Variants in USP15 observed in about 807,000 individuals in gnomAD.
USP15 encodes ubiquitin specific peptidase 15.
USP15 carries 18 observed loss-of-function variants against 127.1 expected under a neutral mutation model. The ratio of observed to expected loss-of-function variants is 0.14; its 90% confidence interval spans 0.10 to 0.21. The LOEUF (loss-of-function observed/expected upper bound fraction) is 0.21. Among genes scored for constraint, USP15 ranks in the 10% least tolerant of loss-of-function variants. The pLI is 1.00. For synonymous variants in USP15, 364 were observed against 393.7 expected (o/e 0.92, Z 0.89); for missense variants, 805 against 1,159.9 (o/e 0.69, Z 4.44).
At position 62,339,231 on chromosome 12, in the gene USP15, C is replaced by T. The variant is rs559521033; in HGVS notation, c.684-9990C>T. On this transcript the variant is annotated intron_variant, in intron 6 of 21. Coordinates refer to ENST00000280377, the MANE Select transcript of USP15 (RefSeq NM_001252078.2). ...TATAGGAATGCTTGTGATTTTTGCA[C>T]GTTGATTTTGTATCCTGAGATTTTG... Among the ~76,000 whole-genome samples the T allele has an allele frequency of 1.5e-3, 233 of 152,092 alleles. 2 individuals carry two copies. The highest frequency in any genetic ancestry group is 5.3e-3 in the African/African-American group (218 of 41,492).
chr12:62,399,785 G>A (rs1015042075), intron 20 of USP15, among the ~76,000 whole-genome samples: 1 of 152,128 alleles, frequency 6.6e-6, no homozygotes, highest in Non-Finnish European at 1.5e-5. Context: ...ACAACTTAGA[G>A]TTTAAACCAT....
chr12:62,370,412 T>C (rs759665249), intron 8 of USP15, among the ~76,000 whole-genome samples: 4 of 152,166 alleles, frequency 2.6e-5, no homozygotes, highest in Non-Finnish European at 4.4e-5. Flanking sequence ...CACCATAGCC[T>C]GTCAGCTGCT....
At chr12:62,354,517 T>G (rs983729613) in intron 7 of USP15, among the ~76,000 whole-genome samples, 2 of 151,968 alleles carry the variant, frequency 1.3e-5, no homozygotes, top group East Asian at 3.8e-4. Flanking sequence ...AAGAATCCAT[T>G]CTTTTTCACA....
chr12:62,369,763 A>C (rs2066600684), intron 8 of USP15, among the ~76,000 whole-genome samples: 1 of 152,222 alleles, frequency 6.6e-6, no homozygotes, highest in African/African-American at 2.4e-5. Context: ...TTTTAAAATG[A>C]AACAAATTTG....
chr12:62,374,966 A>G (rs1223519972), intron 8 of USP15, among the ~76,000 whole-genome samples: 1 of 151,996 alleles, frequency 6.6e-6, no homozygotes, highest in Admixed American at 6.6e-5. Flanking sequence ...AGAGTTTTTA[A>G]TAGAGAATTA....
At chr12:62,283,718 G>A (rs753098796) in intron 1 of USP15, among the ~76,000 whole-genome samples, 2 of 152,122 alleles carry the variant, frequency 1.3e-5, no homozygotes, top group Non-Finnish European at 1.5e-5. Context: ...CGAGGCAGGC[G>A]GATCACTTGA....
intron 1 of USP15, among the ~76,000 whole-genome samples, chr12:62,272,403 A>G (rs2063363540): frequency 6.6e-6 from 1 of 152,024 alleles, no homozygotes; most frequent in Non-Finnish European, 1.5e-5. Flanking sequence ...ATATTAGGCA[A>G]TTAAGCAGGA....
chr12:62,403,875 G>A lies in USP15; in HGVS notation c.2764-318G>A, dbSNP rs2067776434. ...TTACCTTTTCCTTAAGAGATGGTAG[G>A]AAAGAAAGCATAGAATTCTATTTTT... On this transcript the variant is annotated intron_variant, in intron 21 of 21. Transcript: ENST00000280377. Among the ~76,000 whole-genome samples, 3 of 152,086 alleles carry A rather than the reference G, an allele frequency of 2.0e-5. No individual in the cohort carries two copies. The South Asian group carries it at 6.2e-4, about 32-fold the overall frequency.
chr12:62,375,165 T>A (rs2066786885), intron 8 of USP15, among the ~76,000 whole-genome samples: 1 of 152,208 alleles, frequency 6.6e-6, no homozygotes, highest in Non-Finnish European at 1.5e-5. Context: ...GGGGAAATGA[T>A]CTTCATAAAA....
At chr12:62,401,158 C>T (rs754420277) in intron 20 of USP15, 29 bp from the exon 21 acceptor site, 67 of 1,537,384 alleles carry the variant, frequency 4.4e-5, no homozygotes, top group South Asian at 5.7e-5. Context: ...AGATCATTTT[C>T]GTCACAGTGA....
chr12:62,358,221 T>C (rs891697895), intron 8 of USP15, among the ~76,000 whole-genome samples: 1 of 152,096 alleles, frequency 6.6e-6, no homozygotes, highest in South Asian at 2.1e-4. Flanking sequence ...ACTTAGCCCA[T>C]CAGTAGCCTT....
At chr12:62,383,744 A>T (rs1387358730) in intron 9 of USP15, 96 bp from the exon 10 acceptor site, 2 of 1,331,080 alleles carry the variant, frequency 1.5e-6, no homozygotes, top group Non-Finnish European at 2.0e-6. Context: ...CAAATTCACA[A>T]ATGTGGAATC....
At chr12:62,287,320 T>C (rs951422390) in intron 1 of USP15, among the ~76,000 whole-genome samples, 49 of 152,270 alleles carry the variant, frequency 3.2e-4, no homozygotes, top group African/African-American at 1.2e-3. Flanking sequence ...GAATCTAATA[T>C]TTAAAATAAA....
At chr12:62,346,042 CGTA>C (rs1386461597) in intron 6 of USP15, among the ~76,000 whole-genome samples, 4 of 152,116 alleles carry the variant, frequency 2.6e-5, no homozygotes, top group Non-Finnish European at 5.9e-5. Flanking sequence ...CATAACCACA[CGTA>C]GTCGTTTCCT....
chr12:62,296,229 T>G (rs1457411480), intron 2 of USP15, among the ~76,000 whole-genome samples: 2 of 152,274 alleles, frequency 1.3e-5, no homozygotes, highest in East Asian at 3.9e-4. Flanking sequence ...CCCTCAGACC[T>G]TCAGATAAGA....
intron 1 of USP15, 129 bp from the exon 2 acceptor site, chr12:62,294,050 A>G: frequency 1.1e-6 from 1 of 921,068 alleles, no homozygotes; most frequent in Non-Finnish European, 1.6e-6. Flanking sequence ...AAGGGGCATT[A>G]CAGTTTTCAA....
At chr12:62,296,906 C>G (rs746909968) in intron 2 of USP15, among the ~76,000 whole-genome samples, 1 of 152,040 alleles carries the variant, frequency 6.6e-6, no homozygotes, top group African/African-American at 2.4e-5. Flanking sequence ...GGCCAGTTTT[C>G]TAAAAAAAAA....
chr12:62,391,659 A>T (rs1054847477), intron 16 of USP15, among the ~76,000 whole-genome samples, 157 bp from the exon 17 acceptor site: 1 of 152,084 alleles, frequency 6.6e-6, no homozygotes, highest in East Asian at 1.9e-4. Context: ...AAACTCTTAA[A>T]TTATTTCAAT....
At chr12:62,305,667 T>G (rs1229814702) in intron 3 of USP15, 4 of 152,164 alleles carry the variant, frequency 2.6e-5, no homozygotes, top group African/African-American at 9.7e-5. Flanking sequence ...ATAATAATTT[T>G]TATGGAGTTG....
Sources: allele counts gnomAD v4.1 joint callset (sites outside exome capture counted in the v4.1 genomes callset), GRCh38; gene constraint gnomAD v4.1.1; transcripts MANE v1.5; gene names NCBI Gene and HGNC (gene_info 2026-07-23, HGNC 2026-07-21).